The following KCND2 variants were observed in gnomAD, a reference collection of about 807,000 sequenced individuals.
KCND2 encodes the protein potassium voltage-gated channel subfamily D member 2.
KCND2 carries 16 observed loss-of-function variants against 54.4 expected under a neutral mutation model. The ratio of observed to expected loss-of-function variants is 0.29; its 90% CI spans 0.20 to 0.45. KCND2 has a LOEUF of 0.45. Among genes scored for constraint, KCND2 ranks in the 20% least tolerant of loss-of-function variants. KCND2 has a pLI of 1.00. For missense variants in KCND2, 486 were observed against 824.2 expected (o/e 0.59, Z 5.02); for synonymous variants, 317 against 310.7 (o/e 1.02, Z -0.21).
Position 120,633,188 on chromosome 7 carries a change from A to G in KCND2, c.1116-99715A>G, listed in dbSNP as rs115208106. ...CATTCTTTTTTTTGAGACTAAGTCA[A>G]TTTGTCCCCTACTGCTTTTGTAACC... On this transcript the variant is annotated intron_variant, in intron 1 of 5. Transcript: ENST00000331113. Among the ~76,000 whole-genome samples the G allele has an allele frequency of 9.4e-3, 1,436 of 152,290 alleles. 20 individuals are homozygous for G. The highest frequency in any genetic ancestry group is 0.031 in the African/African-American group (1,280 of 41,554).
chr7:120,720,341 A>G (rs138487661), intron 1 of KCND2, among the ~76,000 whole-genome samples: 79 of 152,260 alleles, frequency 5.2e-4, no homozygotes, highest in African/African-American at 1.6e-3. Context: ...ACAGCAATAC[A>G]ACAGCTCTGC....
At chr7:120,461,714 TA>T (rs1167194570) in intron 1 of KCND2, among the ~76,000 whole-genome samples, 1 of 152,184 alleles carries the variant, frequency 6.6e-6, no homozygotes, top group African/African-American at 2.4e-5. Flanking sequence ...GAAATTGTGT[TA>T]TTTTTGCAAT....
chr7:120,653,906 G>T (rs2116549294), intron 1 of KCND2, among the ~76,000 whole-genome samples: 1 of 152,250 alleles, frequency 6.6e-6, no homozygotes, highest in African/African-American at 2.4e-5. Context: ...CATTAACTTT[G>T]CCTGGAGAAA....
intron 1 of KCND2, among the ~76,000 whole-genome samples, chr7:120,416,515 A>G (rs1249752432): frequency 1.3e-5 from 2 of 152,204 alleles, no homozygotes; most frequent in African/African-American, 4.8e-5. Context: ...TTTAACAAGT[A>G]AGTGTGTATT....
chr7:120,348,464 T>C (rs1800356658), intron 1 of KCND2, among the ~76,000 whole-genome samples: 1 of 152,210 alleles, frequency 6.6e-6, no homozygotes. Flanking sequence ...GGTGGGCACA[T>C]GTACCTTGAC....
At chr7:120,623,375 A>G (rs574043550) in intron 1 of KCND2, among the ~76,000 whole-genome samples, 83 of 152,210 alleles carry the variant, frequency 5.5e-4, no homozygotes, top group African/African-American at 1.8e-3. Context: ...TACTTCTCTT[A>G]TGACGCTTAC....
chr7:120,357,487 A>G (rs1037191816), intron 1 of KCND2, among the ~76,000 whole-genome samples: 7 of 152,122 alleles, frequency 4.6e-5, no homozygotes, highest in African/African-American at 1.4e-4. Context: ...ATTTATGTAT[A>G]CCTACATGCA....
chr7:120,477,695 C>T (rs904059687), intron 1 of KCND2, among the ~76,000 whole-genome samples: 3 of 152,000 alleles, frequency 2.0e-5, no homozygotes, highest in Admixed American at 2.0e-4. Flanking sequence ...CACTCTAAGG[C>T]GGTTGGCTGG....
chr7:120,456,838 C>A (rs760001203), intron 1 of KCND2, among the ~76,000 whole-genome samples: 4 of 152,192 alleles, frequency 2.6e-5, no homozygotes, highest in Non-Finnish European at 5.9e-5. Context: ...GGGGCTGCAA[C>A]CTCACATTTC....
In KCND2 at chr7:120,747,864, T is replaced by C. The variant is rs746287421; in HGVS notation, c.*6T>C. On this transcript the variant is annotated 3_prime_UTR_variant, in exon 6 of 6. Coordinates refer to ENST00000331113, the MANE Select transcript of KCND2 (RefSeq NM_012281.3). ...TCAGAGTTTCTGCTTTGTAAGACAA[T>C]TGGAATAAGGTCTAAGAGAATTCGA... 6.2e-6 allele frequency: 10 copies of C among 1,606,240 alleles called. No individual in the cohort carries two copies. Among genetic ancestry groups the C allele is most frequent in the Non-Finnish European group, 8.5e-6 (10 of 1,174,084 alleles).
rs1309024162 is a variant in KCND2 at position 120,273,351 on chromosome 7, C to G, written c.-1282C>G. 6.7e-6 allele frequency among the ~76,000 whole-genome samples: 1 copy of G among 149,450 alleles called. No individual in the cohort carries two copies. On this transcript the variant is annotated 5_prime_UTR_variant, in exon 1 of 6. Transcript: ENST00000331113. The stretch of plus-strand genomic sequence containing the variant: ...GCCGAGCGCCTTCTGCCTCCGCGCT[C>G]GGACGAGAGCCCGTGCCGGCCCCGG...
At chr7:120,730,703 G>A (rs773793229) in intron 1 of KCND2, among the ~76,000 whole-genome samples, 5 of 152,068 alleles carry the variant, frequency 3.3e-5, no homozygotes, top group Non-Finnish European at 4.4e-5. Flanking sequence ...ATGAGTACCT[G>A]GATCTTCAAA....
At chr7:120,668,922 T>C (rs1206163926) in intron 1 of KCND2, among the ~76,000 whole-genome samples, 1 of 152,042 alleles carries the variant, frequency 6.6e-6, no homozygotes. Flanking sequence ...CAAAATTTGA[T>C]CTGTTCCTTT....
At chr7:120,340,666 T>C (rs966832327) in intron 1 of KCND2, among the ~76,000 whole-genome samples, 2 of 152,168 alleles carry the variant, frequency 1.3e-5, no homozygotes, top group African/African-American at 4.8e-5. Context: ...AAGATGGCCA[T>C]TTGATTTGGC....
At chr7:120,430,276 C>T (rs1477637917) in intron 1 of KCND2, among the ~76,000 whole-genome samples, 1 of 152,090 alleles carries the variant, frequency 6.6e-6, no homozygotes, top group Non-Finnish European at 1.5e-5. Context: ...CCTGGTGTCT[C>T]TCCTTCTTCT....
At chr7:120,470,971 A>T (rs2116259962) in intron 1 of KCND2, among the ~76,000 whole-genome samples, 1 of 152,208 alleles carries the variant, frequency 6.6e-6, no homozygotes, top group East Asian at 1.9e-4. Context: ...CAAGAAAAAA[A>T]TGTGTACTCT....
chr7:120,596,482 T>C (rs2116466336), intron 1 of KCND2, among the ~76,000 whole-genome samples: 1 of 152,308 alleles, frequency 6.6e-6, no homozygotes, highest in Non-Finnish European at 1.5e-5. Context: ...GTAGAGCTTG[T>C]TATGCCAGTT....
In KCND2 at chr7:120,632,560, AT is replaced by A. The variant is rs1311303739; in HGVS notation, c.1116-100337del. Among the ~76,000 whole-genome samples the A allele has an allele frequency of 2.0e-5, 3 of 152,252 alleles. No homozygotes were observed. The East Asian group carries it at 5.8e-4, about 29-fold the overall frequency. ...GATAGTCTTTCCATTTTATAACAAG[AT>A]TTTTTAAAACTTATACTTGGACAAA... On this transcript the variant is annotated intron_variant, in intron 1 of 5. Transcript: ENST00000331113.
chr7:120,664,662 A>G (rs994929401), intron 1 of KCND2, among the ~76,000 whole-genome samples: 7 of 152,120 alleles, frequency 4.6e-5, no homozygotes, highest in Non-Finnish European at 1.5e-5. Context: ...TAAAATTATA[A>G]GGACATGTGT....
Sources: gnomAD v4.1 joint callset for allele counts (sites outside exome capture counted in the v4.1 genomes callset) on GRCh38, gnomAD v4.1.1 for gene constraint, MANE v1.5 for transcripts, NCBI Gene and HGNC (gene_info 2026-07-23, HGNC 2026-07-21) for gene names.